Variants in SMYD3 observed in about 807,000 individuals in gnomAD.
SMYD3 encodes the protein SET and MYND domain containing 3.
In SMYD3, 36 loss-of-function variants were observed where a neutral mutation model predicts 57.7. The observed-to-expected ratio is 0.62, with a 90% confidence interval of 0.48 to 0.82. The LOEUF (loss-of-function observed/expected upper bound fraction) is 0.82, where lower values mean the gene tolerates loss of function less well. Ranked by LOEUF, SMYD3 falls within the 40% of genes least tolerant of loss-of-function variation. The pLI is 0.00. For synonymous variants in SMYD3, 211 were observed against 195.0 expected, an observed-to-expected ratio of 1.08 and a Z score of -0.68; for missense variants, 515 against 538.8, an observed-to-expected ratio of 0.96 and a Z score of 0.44.
intron 5 of SMYD3, among the ~76,000 whole-genome samples, chr1:245,986,713 G>A (rs1195528639): frequency 6.6e-6 from 1 of 152,152 alleles, no homozygotes; most frequent in Non-Finnish European, 1.5e-5. Context: ...CCAGCCTAAA[G>A]GTGACCCACC....
intron 10 of SMYD3, among the ~76,000 whole-genome samples, chr1:245,843,711 G>A (rs1177826499): frequency 1.3e-5 from 2 of 152,308 alleles, no homozygotes; most frequent in East Asian, 3.9e-4. Context: ...CCAGTCGGAG[G>A]AAGGAAAGGG....
intron 5 of SMYD3, among the ~76,000 whole-genome samples, chr1:246,308,431 C>T (rs2065023066): frequency 6.6e-6 from 1 of 151,966 alleles, no homozygotes; most frequent in African/African-American, 2.4e-5. Context: ...AACCAATTTT[C>T]CCCCACTTCT....
At chr1:246,124,534 T>A (rs56809972) in intron 5 of SMYD3, among the ~76,000 whole-genome samples, 2,583 of 152,180 alleles carry the variant, frequency 0.017, 61 homozygotes, top group African/African-American at 0.058. Flanking sequence ...CATGTACCCA[T>A]CACCTATTAG....
chr1:246,247,659 T>C (rs1227423692), intron 5 of SMYD3, among the ~76,000 whole-genome samples: 1 of 151,990 alleles, frequency 6.6e-6, no homozygotes, highest in Non-Finnish European at 1.5e-5. Flanking sequence ...AGTCAGCTAC[T>C]CATCACTCAT....
At chr1:246,010,554 A>T (rs1340437480) in intron 5 of SMYD3, among the ~76,000 whole-genome samples, 1 of 152,202 alleles carries the variant, frequency 6.6e-6, no homozygotes, top group Non-Finnish European at 1.5e-5. Context: ...GAGAAATCTG[A>T]GTGCATTTTT....
chr1:246,397,079 G>A (rs944903592), intron 1 of SMYD3, among the ~76,000 whole-genome samples: 1 of 152,216 alleles, frequency 6.6e-6, no homozygotes, highest in Admixed American at 6.5e-5. Context: ...CTCTTTGCCT[G>A]TTCATGGACC....
At chr1:245,822,998 C>T (rs2049261555) in intron 10 of SMYD3, among the ~76,000 whole-genome samples, 2 of 152,174 alleles carry the variant, frequency 1.3e-5, no homozygotes, top group African/African-American at 2.4e-5. Flanking sequence ...TGCTCAGACA[C>T]TGTGCTAGCA....
chr1:246,227,201 C>T (rs2063342478), intron 5 of SMYD3, among the ~76,000 whole-genome samples: 1 of 152,214 alleles, frequency 6.6e-6, no homozygotes, highest in Non-Finnish European at 1.5e-5. Context: ...GTTAGATGTA[C>T]TTTCCACTTT....
At chr1:246,088,358 C>T (rs866367462) in intron 5 of SMYD3, among the ~76,000 whole-genome samples, 1 of 151,864 alleles carries the variant, frequency 6.6e-6, no homozygotes, top group Non-Finnish European at 1.5e-5. Flanking sequence ...GCCTGTAATC[C>T]CAGCACTTTG....
chr1:246,051,133 C>CTTTTT (rs11453523), intron 5 of SMYD3, among the ~76,000 whole-genome samples: 2 of 141,714 alleles, frequency 1.4e-5, no homozygotes, highest in African/African-American at 2.6e-5. Flanking sequence ...TTTCTTACTC[C>CTTTTT]TTTTTTTTTT....
intron 5 of SMYD3, among the ~76,000 whole-genome samples, chr1:246,169,205 C>T (rs1162730479): frequency 6.6e-6 from 1 of 151,896 alleles, no homozygotes; most frequent in African/African-American, 2.4e-5. Flanking sequence ...AAGACAGATG[C>T]CAAGGCCCAG....
At chr1:245,892,440 G>A (rs908269723) in intron 8 of SMYD3, among the ~76,000 whole-genome samples, 1 of 152,184 alleles carries the variant, frequency 6.6e-6, no homozygotes, top group Non-Finnish European at 1.5e-5. Flanking sequence ...CACAGGGAAG[G>A]TAACTTGCTG....
chr1:245,923,594 T>C (rs929054998), intron 7 of SMYD3, among the ~76,000 whole-genome samples: 1 of 152,186 alleles, frequency 6.6e-6, no homozygotes, highest in African/African-American at 2.4e-5. Flanking sequence ...TGTGTCTATG[T>C]CTACAATGCC....
chr1:246,172,158 A>G (rs1374965652), intron 5 of SMYD3, among the ~76,000 whole-genome samples: 1 of 152,212 alleles, frequency 6.6e-6, no homozygotes. Context: ...ACTGTACTCT[A>G]CTGTAGACTA....
chr1:245,867,649 CGT>C (rs1558438884), intron 8 of SMYD3, among the ~76,000 whole-genome samples: 1,750 of 133,570 alleles, frequency 0.013, 16 homozygotes, highest in Non-Finnish European at 0.016. Flanking sequence ...TGTGCATGCG[CGT>C]GCGTGTGCGT....
At chr1:245,924,258 G>A (rs1254437864) in intron 7 of SMYD3, among the ~76,000 whole-genome samples, 1 of 152,086 alleles carries the variant, frequency 6.6e-6, no homozygotes, top group African/African-American at 2.4e-5. Flanking sequence ...AGTGAGCCAT[G>A]ACTTAAATGA....
intron 8 of SMYD3, among the ~76,000 whole-genome samples, chr1:245,865,895 C>T (rs1284065963): frequency 6.6e-6 from 1 of 152,174 alleles, no homozygotes; most frequent in Non-Finnish European, 1.5e-5. Context: ...TTAGAAGACA[C>T]TATTCAAAAC....
At chr1:246,429,321 T>C (rs367912954) in intron 1 of SMYD3, among the ~76,000 whole-genome samples, 1 of 152,086 alleles carries the variant, frequency 6.6e-6, no homozygotes, top group Non-Finnish European at 1.5e-5. Context: ...CTAAAATTCA[T>C]CAAATGTAAG....
chr1:246,009,843 T>A (rs1427090885), intron 5 of SMYD3, among the ~76,000 whole-genome samples: 1 of 127,386 alleles, frequency 7.9e-6, no homozygotes, highest in Non-Finnish European at 1.6e-5. Context: ...GGAGTCTTGC[T>A]CTGTTGCCCA....
Sources: gnomAD v4.1 joint callset for allele counts (sites outside exome capture counted in the v4.1 genomes callset) on GRCh38, gnomAD v4.1.1 for gene constraint, MANE v1.5 for transcripts, NCBI Gene and HGNC (gene_info 2026-07-23, HGNC 2026-07-21) for gene names.